The following AFF1 variants were observed in gnomAD, a reference collection of about 807,000 sequenced individuals.
AFF1 encodes the protein AF4/FMR2 family member 1.
In AFF1, 48 loss-of-function variants were observed where a neutral mutation model predicts 121.7. The ratio of observed to expected loss-of-function variants is 0.39; its 90% confidence interval spans 0.31 to 0.50. AFF1 has a LOEUF of 0.50. Among genes scored for constraint, AFF1 ranks in the 20% least tolerant of loss-of-function variants. The probability of loss-of-function intolerance (pLI) is 0.76; values close to 1 mark genes in which losing one functional copy is unlikely to be tolerated. For missense variants in AFF1, 1,523 were observed against 1,511.7 expected, an observed-to-expected ratio of 1.01 and a Z score of -0.12; for synonymous variants, 613 against 563.0, an observed-to-expected ratio of 1.09 and a Z score of -1.26.
chr4:86,948,488 T>C lies in AFF1; in HGVS notation c.-36-10T>C, dbSNP rs1420051736. The C allele has an allele frequency of 6.5e-7, 1 of 1,527,068 alleles. No individual in the cohort carries two copies. The highest frequency in any genetic ancestry group is 1.4e-5 in the African/African-American group (1 of 72,926). The allele number at this position is 1,527,068 out of a possible 1,614,324, so 94.6% of individuals were successfully genotyped here. The stretch of plus-strand genomic sequence containing the variant: ...TAATGTTCACAGGCTACTCTTTGTT[T>C]CTCTTTCAGATGAACAGACTAGCCA... On this transcript the variant is annotated splice_polypyrimidine_tract_variant and intron_variant, in intron 1 of 20. Coordinates refer to ENST00000395146, the MANE Select transcript of AFF1 (RefSeq NM_001166693.3).
chr4:87,122,533 C>T (rs982626802), intron 12 of AFF1, among the ~76,000 whole-genome samples: 2 of 152,122 alleles, frequency 1.3e-5, no homozygotes, highest in Non-Finnish European at 2.9e-5. Context: ...GGAGAAACAG[C>T]TGTGTAGAAT....
intron 2 of AFF1, among the ~76,000 whole-genome samples, chr4:86,997,484 T>G (rs1725303950): frequency 6.6e-6 from 1 of 151,982 alleles, no homozygotes; most frequent in Admixed American, 6.6e-5. Flanking sequence ...ATACTTGGGC[T>G]GGGCGCAGTG....
chr4:87,131,905 T>C, intron 18 of AFF1, 41 bp downstream of exon 18: 2 of 1,451,738 alleles, frequency 1.4e-6, no homozygotes, highest in Non-Finnish European at 1.9e-6. Flanking sequence ...AAATTTGTTT[T>C]TGCATCTGTT....
In AFF1 at chr4:87,126,333, C is replaced by T. The variant is rs1190765457; in HGVS notation, c.2808C>T (p.His936=). The change falls in exon 14 of 21, where the codon CAC becomes CAT. Residue 936 remains histidine, a synonymous_variant. Transcript: ENST00000395146. ...EGKGSRSSSE[H]KGSSGDTANP... The stretch of plus-strand genomic sequence containing the variant: ...AGGGCTCCAGAAGCTCCTCGGAGCA[C>T]AAGGTGAGCAGGGGCGGCGGTCACT... 2 of 1,613,598 alleles carry T rather than the reference C, an allele frequency of 1.2e-6. No individual in the cohort carries two copies. The highest frequency in any genetic ancestry group is 3.3e-5 in the Admixed American group (2 of 59,984).
chr4:87,083,775 A>G (rs1368686051), intron 4 of AFF1, among the ~76,000 whole-genome samples: 1 of 152,000 alleles, frequency 6.6e-6, no homozygotes. Context: ...ATTTCATCCA[A>G]ATGTAAAGTT....
intron 2 of AFF1, among the ~76,000 whole-genome samples, chr4:86,985,327 A>G (rs2149496380): frequency 6.6e-6 from 1 of 150,624 alleles, no homozygotes; most frequent in East Asian, 2.0e-4. Flanking sequence ...CCTGGCCAAC[A>G]TGGCAAAACC....
chr4:86,948,819 TGATTAAATCA>T (rs967241958), intron 2 of AFF1, among the ~76,000 whole-genome samples: 5 of 152,218 alleles, frequency 3.3e-5, no homozygotes, highest in African/African-American at 1.2e-4. Context: ...TTAATTTAAA[TGATTAAATCA>T]GCATTCTAAT....
chr4:87,083,279 G>A (rs1401299504), intron 4 of AFF1, among the ~76,000 whole-genome samples: 1 of 152,174 alleles, frequency 6.6e-6, no homozygotes, highest in East Asian at 1.9e-4. Context: ...GGTAGAAATA[G>A]TAGATCTTTC....
chr4:87,019,887 G>GGGGA (rs1553918046), intron 2 of AFF1, among the ~76,000 whole-genome samples: 37 of 138,684 alleles, frequency 2.7e-4, no homozygotes, highest in Non-Finnish European at 4.8e-4. Flanking sequence ...AAGGGGTCGG[G>GGGGA]GGGGGGCAGT....
At chr4:86,985,162 A>ATATAATATGTATTAC (rs1724111039) in intron 2 of AFF1, among the ~76,000 whole-genome samples, 1 of 8,154 alleles carries the variant, frequency 1.2e-4, no homozygotes, top group Admixed American at 4.4e-3. Context: ...TAAAAATATA[A>ATATAATATGTATTAC]TATATATAAT....
At position 87,071,765 on chromosome 4, in the gene AFF1, T is replaced by G. The variant is rs6827213; in HGVS notation, c.1060-12355T>G. 2.0e-5 allele frequency among the ~76,000 whole-genome samples: 3 copies of G among 152,198 alleles called. No individual in the cohort carries two copies. In the South Asian group the frequency reaches 6.2e-4, roughly 32 times the overall value. On this transcript the variant is annotated intron_variant, in intron 4 of 20. Transcript: ENST00000395146. ...GTTGTTACTATTAGAACGGTTGCCTTTTTTCCATATGATCTCTTCTCTGTC... is the reference window on the plus strand; with the variant it reads ...GTTGTTACTATTAGAACGGTTGCCTGTTTTCCATATGATCTCTTCTCTGTC...
At chr4:87,034,326 A>G (rs548092535) in intron 2 of AFF1, among the ~76,000 whole-genome samples, 172 of 152,320 alleles carry the variant, frequency 1.1e-3, no homozygotes, top group Non-Finnish European at 1.6e-3. Context: ...CTTGTTGGCC[A>G]GGCTTCTGGA....
chr4:87,036,102 GAGGCACTGTGCAGCTGTGCTCACC>G (rs1729538588), intron 2 of AFF1, among the ~76,000 whole-genome samples: 1 of 152,186 alleles, frequency 6.6e-6, no homozygotes, highest in African/African-American at 2.4e-5. Flanking sequence ...CAGTGCCAAT[GAGGCACTGTGCAGCTGTGCTCACC>G]AGGGGCCTTT....
chr4:87,005,302 C>T (rs2149525768), intron 2 of AFF1, among the ~76,000 whole-genome samples: 1 of 152,276 alleles, frequency 6.6e-6, no homozygotes, highest in South Asian at 2.1e-4. Flanking sequence ...TTCTGTTATA[C>T]CATTGGTCAT....
chr4:86,984,192 G>A (rs561615822), intron 2 of AFF1, among the ~76,000 whole-genome samples: 8 of 152,160 alleles, frequency 5.3e-5, no homozygotes, highest in East Asian at 3.9e-4. Context: ...GTGGACAATC[G>A]TAATTTTTCC....
At chr4:87,099,829 C>T (rs932973157) in intron 8 of AFF1, among the ~76,000 whole-genome samples, 3 of 152,148 alleles carry the variant, frequency 2.0e-5, no homozygotes, top group Admixed American at 2.0e-4. Context: ...GTGACAGTGA[C>T]AGGGTTGAGA....
At chr4:86,961,706 T>G (rs1418327528) in intron 2 of AFF1, among the ~76,000 whole-genome samples, 1 of 151,948 alleles carries the variant, frequency 6.6e-6, no homozygotes, top group Non-Finnish European at 1.5e-5. Flanking sequence ...CATCCTAAAT[T>G]AGAATCTCCC....
rs1390844264 is a variant in AFF1 at position 87,130,848 on chromosome 4, G to T, written c.2965-235G>T. On this transcript the variant is annotated intron_variant, in intron 16 of 20. Transcript: ENST00000395146. ...TATGTGCTTTCATAAGGCTTTGAGAGCATGGTCTTAATACGGGATCATTTT... is the reference window on the plus strand; with the variant it reads ...TATGTGCTTTCATAAGGCTTTGAGATCATGGTCTTAATACGGGATCATTTT... Among the ~76,000 whole-genome samples, 6 of 152,228 alleles carry T rather than the reference G, an allele frequency of 3.9e-5. No homozygotes were observed. The East Asian group carries it at 1.2e-3, about 29-fold the overall frequency.
intron 2 of AFF1, among the ~76,000 whole-genome samples, chr4:87,041,348 T>C (rs1211981975): frequency 6.6e-6 from 1 of 152,154 alleles, no homozygotes; most frequent in African/African-American, 2.4e-5. Context: ...GCTGCTGTTA[T>C]CATTGCTTTT....
Sources: allele counts gnomAD v4.1 joint callset (sites outside exome capture counted in the v4.1 genomes callset), GRCh38; gene constraint gnomAD v4.1.1; transcripts MANE v1.5; gene names NCBI Gene and HGNC (gene_info 2026-07-23, HGNC 2026-07-21).